The following PARG variants were observed in gnomAD, a reference collection of about 807,000 sequenced individuals.
PARG encodes mitochondrial poly(ADP-ribose) glycohydrolase.
Under a neutral mutation model 113.0 loss-of-function variants are expected in PARG, and 35 were observed. The observed-to-expected ratio is 0.31, with a 90% CI of 0.24 to 0.41. The LOEUF (loss-of-function observed/expected upper bound fraction) is 0.41, where lower values mean the gene tolerates loss of function less well. Ranked by LOEUF, PARG falls within the 10% of genes least tolerant of loss-of-function variation. PARG has a pLI of 1.00. For missense variants in PARG, 797 were observed against 1,169.4 expected, an observed-to-expected ratio of 0.68 and a Z score of 4.64; for synonymous variants, 330 against 409.9, an observed-to-expected ratio of 0.81 and a Z score of 2.36.
chr10:49,877,330 G>A (rs1307395216), intron 9 of PARG, among the ~76,000 whole-genome samples: 1 of 151,458 alleles, frequency 6.6e-6, no homozygotes, highest in Non-Finnish European at 1.5e-5. Flanking sequence ...CTTCGGGGCT[G>A]ACACTCTGAT....
intron 7 of PARG, among the ~76,000 whole-genome samples, chr10:49,904,783 G>C (rs1848498767): frequency 6.6e-6 from 1 of 152,152 alleles, no homozygotes; most frequent in Non-Finnish European, 1.5e-5. Context: ...AGGCAAGGTG[G>C]TGCGTGCCTG....
At chr10:49,840,989 T>C (rs117030392) in intron 15 of PARG, among the ~76,000 whole-genome samples, 2,462 of 152,334 alleles carry the variant, frequency 0.016, 23 homozygotes, top group Non-Finnish European at 0.024. Context: ...CAATGGCTCA[T>C]GCCTGTAATC....
At chr10:49,856,728 T>A (rs1372045219) in intron 13 of PARG, among the ~76,000 whole-genome samples, 1 of 151,976 alleles carries the variant, frequency 6.6e-6, no homozygotes, top group Non-Finnish European at 1.5e-5. Flanking sequence ...AATTTCAAAC[T>A]GCCAAGCGTG....
rs1228045350 is a variant in PARG at position 49,931,167 on chromosome 10, C to A, written c.1455+933G>T. On this transcript the variant is annotated intron_variant, in intron 4 of 17. Transcript: ENST00000616448. ...GGTTCTTGGCTTGTAACTCCCATAGCCCTCGTTATAGTCTTTTGTTATAAT... is the reference window on the plus strand; with the variant it reads ...GGTTCTTGGCTTGTAACTCCCATAGACCTCGTTATAGTCTTTTGTTATAAT... 4.4e-4 allele frequency among the ~76,000 whole-genome samples: 66 copies of A among 151,704 alleles called. 1 individual carries two copies. Among genetic ancestry groups the A allele is most frequent in the African/African-American group, 1.6e-3 (65 of 41,260 alleles).
chr10:49,839,025 C>T (rs1055003024), intron 15 of PARG, among the ~76,000 whole-genome samples: 11 of 152,062 alleles, frequency 7.2e-5, no homozygotes, highest in African/African-American at 2.7e-4. Flanking sequence ...CCTCAAAAAC[C>T]TAAATTAACA....
chr10:49,889,266 A>C (rs1298452906), intron 7 of PARG, among the ~76,000 whole-genome samples: 21 of 152,012 alleles, frequency 1.4e-4, no homozygotes, highest in African/African-American at 5.1e-4. Flanking sequence ...ATTTTGTTGA[A>C]ATTTGGATAT....
chr10:49,917,984 G>C (rs1163167484), intron 6 of PARG, among the ~76,000 whole-genome samples: 2 of 152,054 alleles, frequency 1.3e-5, no homozygotes, highest in East Asian at 3.9e-4. Context: ...TCAATATATT[G>C]AACAACATGG....
intron 7 of PARG, among the ~76,000 whole-genome samples, chr10:49,912,802 C>CA (rs1398760530): frequency 2.0e-5 from 3 of 151,930 alleles, no homozygotes; most frequent in South Asian, 2.1e-4. Context: ...CCTATCTCTA[C>CA]AAAAAAATAC....
intron 7 of PARG, among the ~76,000 whole-genome samples, chr10:49,901,316 C>T (rs1554843741): frequency 6.6e-6 from 1 of 151,842 alleles, no homozygotes; most frequent in African/African-American, 2.4e-5. Context: ...GTCTCACCAT[C>T]TTGCCCGGGC....
chr10:49,835,932 A>G lies in PARG; in HGVS notation c.2542-3024T>C, dbSNP rs1554831016. On this transcript the variant is annotated intron_variant, in intron 15 of 17. Transcript: ENST00000616448. ...CCCTATGTTTAAGACACAAATACCT[A>G]CCGTTGCGTCACAGCTGCCTATAGT... 2.6e-5 allele frequency among the ~76,000 whole-genome samples: 4 copies of G among 152,088 alleles called. 1 individual carries two copies. The South Asian group carries it at 6.2e-4, about 24-fold the overall frequency.
At chr10:49,937,546 G>C (rs1462702897) in intron 1 of PARG, among the ~76,000 whole-genome samples, 1 of 151,760 alleles carries the variant, frequency 6.6e-6, no homozygotes, top group Non-Finnish European at 1.5e-5. Flanking sequence ...AGTTGGTTTA[G>C]AAGTTAAAAC....
intron 16 of PARG, among the ~76,000 whole-genome samples, chr10:49,827,625 C>T (rs782376918): frequency 2.0e-5 from 3 of 152,126 alleles, no homozygotes; most frequent in Non-Finnish European, 2.9e-5. Flanking sequence ...GTTGGAAGAA[C>T]TTGTAAGTAA....
intron 6 of PARG, among the ~76,000 whole-genome samples, chr10:49,919,882 C>A (rs1160315104): frequency 6.6e-6 from 1 of 152,068 alleles, no homozygotes; most frequent in African/African-American, 2.4e-5. Flanking sequence ...ATCTTTGTAT[C>A]CACCAACATC....
intron 10 of PARG, among the ~76,000 whole-genome samples, chr10:49,868,748 C>T: frequency 6.6e-6 from 1 of 152,098 alleles, no homozygotes; most frequent in South Asian, 2.1e-4. Flanking sequence ...TAATAGCTTA[C>T]ATTTATTAAG....
chr10:49,822,150 A>G lies in PARG; in HGVS notation c.2648-1857T>C, dbSNP rs555738168. Among the ~76,000 whole-genome samples, 9 of 152,296 alleles carry G rather than the reference A, an allele frequency of 5.9e-5. No individual in the cohort carries two copies. In the South Asian group the frequency reaches 1.9e-3, roughly 32 times the overall value. On this transcript the variant is annotated intron_variant, in intron 16 of 17. Coordinates refer to ENST00000616448, the MANE Select transcript of PARG (RefSeq NM_003631.5). ...ACACAAAAATGGAATGGAGGAAGAC[A>G]AAAAAGAACTGTGTGAGGATGGACT...
At position 49,941,662 on chromosome 10, in the gene PARG, A is replaced by C. The variant is rs1839084918; in HGVS notation, c.64T>G (p.Ser22Ala). 2.5e-6 allele frequency: 4 copies of C among 1,597,394 alleles called. No homozygotes were observed. Among genetic ancestry groups the C allele is most frequent in the Non-Finnish European group, 3.4e-6 (4 of 1,173,474 alleles). ...KRPRWGAATT[S>A]PAASDARSFP... The stretch of plus-strand genomic sequence containing the variant: ...CTCCGGGCGTCCGAAGCAGCCGGCG[A>C]AGTTGTAGCGGCGCCCCAGCGGGGT... The change falls in exon 1 of 18, where the codon TCG (serine) becomes GCG (alanine). Residue 22 changes from serine to alanine, a missense_variant. By Grantham distance (99) the Ser-to-Ala change is moderately conservative. Around this residue, in one of 5 missense-constraint regions of PARG, gnomAD observed 27 missense variants for 54.3 expected, o/e 0.50. Transcript: ENST00000616448.
chr10:49,896,024 G>A (rs1439955973), intron 7 of PARG, among the ~76,000 whole-genome samples: 1 of 152,030 alleles, frequency 6.6e-6, no homozygotes, highest in Non-Finnish European at 1.5e-5. Context: ...AACAAACACC[G>A]TCAACTACAA....
At chr10:49,938,868 G>C (rs1259578411) in intron 1 of PARG, among the ~76,000 whole-genome samples, 3 of 152,020 alleles carry the variant, frequency 2.0e-5, no homozygotes, top group African/African-American at 7.3e-5. Context: ...TAAATACCAA[G>C]TTCCTAAAGG....
At chr10:49,919,892 C>T (rs1837702338) in intron 6 of PARG, among the ~76,000 whole-genome samples, 1 of 152,106 alleles carries the variant, frequency 6.6e-6, no homozygotes, top group Non-Finnish European at 1.5e-5. Context: ...CCACCAACAT[C>T]CATCAACTGT....
Sources: allele counts gnomAD v4.1 joint callset (sites outside exome capture counted in the v4.1 genomes callset), GRCh38; gene constraint gnomAD v4.1.1; regional missense constraint gnomAD v4.1.1; transcripts MANE v1.5; gene names NCBI Gene and HGNC (gene_info 2026-07-23, HGNC 2026-07-21).